Variants in TPD52 observed in about 807,000 individuals in gnomAD.
The protein encoded by TPD52 is tumor protein D52.
In TPD52, 17 loss-of-function variants were observed where a neutral mutation model predicts 31.3. The observed-to-expected ratio is 0.54, with a 90% CI of 0.37 to 0.82. The LOEUF (loss-of-function observed/expected upper bound fraction) is 0.82. Among genes scored for constraint, TPD52 ranks in the 40% least tolerant of loss-of-function variants. The pLI is 0.00. For synonymous variants in TPD52, 83 were observed against 89.6 expected (o/e 0.93, Z 0.42); for missense variants, 212 against 240.1 (o/e 0.88, Z 0.77).
At chr8:80,053,722 G>T (rs1811593535) in intron 2 of TPD52, among the ~76,000 whole-genome samples, 1 of 151,918 alleles carries the variant, frequency 6.6e-6, no homozygotes, top group Non-Finnish European at 1.5e-5. Context: ...GTAGGTTTAG[G>T]ACTCAAATTT....
chr8:80,125,195 T>C (rs773837592), intron 1 of TPD52, among the ~76,000 whole-genome samples: 1 of 152,212 alleles, frequency 6.6e-6, no homozygotes, highest in Non-Finnish European at 1.5e-5. Flanking sequence ...GCCTCAGCCC[T>C]GCACAGTGGC....
rs538381285 is a variant in TPD52, at chr8:80,167,603, G to A, written c.19+3822C>T. Among the ~76,000 whole-genome samples the A allele has an allele frequency of 2.6e-5, 4 of 152,196 alleles. No homozygotes were observed. The South Asian group carries it at 8.3e-4, about 32-fold the overall frequency. The stretch of plus-strand genomic sequence containing the variant: ...TGGGGTGGGTCACACCCAGAGACTT[G>A]GGAGTAGACCCTCAAAATTATTATC... On this transcript the variant is annotated intron_variant, in intron 1 of 7. Coordinates refer to ENST00000518937, the MANE Select transcript of TPD52 (RefSeq NM_001025253.3).
chr8:80,133,109 G>T (rs575426377), intron 1 of TPD52, among the ~76,000 whole-genome samples: 152 of 152,114 alleles, frequency 1.0e-3, no homozygotes, highest in Non-Finnish European at 1.4e-3. Flanking sequence ...AGCTTACCTG[G>T]TCACTCCGGT....
intron 7 of TPD52, among the ~76,000 whole-genome samples, chr8:80,040,380 G>C (rs562305341): frequency 1.3e-5 from 2 of 151,890 alleles, no homozygotes; most frequent in South Asian, 4.2e-4. Flanking sequence ...GGTAGAGACA[G>C]GGTTTTGCCA....
intron 1 of TPD52, among the ~76,000 whole-genome samples, chr8:80,139,765 T>C (rs1809695036): frequency 6.6e-6 from 1 of 152,160 alleles, no homozygotes; most frequent in South Asian, 2.1e-4. Context: ...TTAAGTGTAT[T>C]ATCAAAATCA....
intron 1 of TPD52, 117 bp downstream of exon 1, chr8:80,171,308 A>T: frequency 7.5e-7 from 1 of 1,338,912 alleles, no homozygotes; most frequent in Non-Finnish European, 1.0e-6. Flanking sequence ...GCGCCGGCCC[A>T]GGAGGCTCGG....
rs975440373 is a variant in TPD52, at chr8:80,168,031, A to C, written c.19+3394T>G. ...TCTATCAAAGTAGGAAATACCACAC[A>C]CAGTAAATGTGCTGCGCTGAGCTTA... On this transcript the variant is annotated intron_variant, in intron 1 of 7. Coordinates refer to ENST00000518937, the MANE Select transcript of TPD52 (RefSeq NM_001025253.3). Among the ~76,000 whole-genome samples, 4 of 152,340 alleles carry C rather than the reference A, an allele frequency of 2.6e-5. No homozygotes were observed. In the East Asian group the frequency reaches 7.7e-4, roughly 29 times the overall value.
At position 80,083,999 on chromosome 8, in the gene TPD52, G is replaced by A. The variant is rs531611951; in HGVS notation, c.20-19406C>T. Among the ~76,000 whole-genome samples the A allele has an allele frequency of 1.9e-4, 29 of 152,298 alleles. No homozygotes were observed. The South Asian group carries it at 4.1e-3, about 22-fold the overall frequency. ...CTCTCACTCCATATGGAGAAAGCACGAAGAGCTATCTACCAACCGGTACCA... is the reference window on the plus strand; with the variant it reads ...CTCTCACTCCATATGGAGAAAGCACAAAGAGCTATCTACCAACCGGTACCA... On this transcript the variant is annotated intron_variant, in intron 1 of 7. Transcript: ENST00000518937.
At chr8:80,033,819 T>G (rs568043429), downstream of TPD52, among the ~76,000 whole-genome samples, 3 of 152,086 alleles carry the variant, frequency 2.0e-5, no homozygotes, top group Non-Finnish European at 4.4e-5. Flanking sequence ...GGTTTTTATG[T>G]GCTCAGAATG....
At chr8:80,155,830 C>A (rs1263753122) in intron 1 of TPD52, among the ~76,000 whole-genome samples, 1 of 150,994 alleles carries the variant, frequency 6.6e-6, no homozygotes, top group Admixed American at 6.6e-5. Context: ...TTGCAGTGAG[C>A]CAAGATTGTG....
chr8:80,038,430 C>T (rs1810066954), intron 7 of TPD52, among the ~76,000 whole-genome samples, 195 bp from the exon 8 acceptor site: 1 of 152,158 alleles, frequency 6.6e-6, no homozygotes, highest in African/African-American at 2.4e-5. Context: ...TGCATTCTCC[C>T]TTGCTGAAAT....
At chr8:80,056,062 C>A (rs1811841707) in intron 2 of TPD52, among the ~76,000 whole-genome samples, 1 of 152,130 alleles carries the variant, frequency 6.6e-6, no homozygotes, top group Non-Finnish European at 1.5e-5. Context: ...GAAAGGAAAT[C>A]AGTGTATCAA....
At chr8:80,050,356 C>T (rs1811238046) in intron 5 of TPD52, 89 bp downstream of exon 5, 3 of 1,314,682 alleles carry the variant, frequency 2.3e-6, no homozygotes, top group South Asian at 2.8e-5. Flanking sequence ...TGGACAAACA[C>T]GATCATCCAA....
chr8:80,148,317 A>AGTATGTGTGTGTGTGTGT (rs1554594167), intron 1 of TPD52, among the ~76,000 whole-genome samples: 1 of 143,888 alleles, frequency 6.9e-6, no homozygotes, highest in Non-Finnish European at 1.5e-5. Flanking sequence ...TTCCTGGCTA[A>AGTATGTGTGTGTGTGTGT]GTGTGTGTGT....
chr8:80,089,644 G>A (rs1563617884), intron 1 of TPD52, among the ~76,000 whole-genome samples: 1 of 152,224 alleles, frequency 6.6e-6, no homozygotes, highest in Non-Finnish European at 1.5e-5. Context: ...AGCCTAAAAA[G>A]GGCAAGCAAT....
At chr8:80,117,949 G>T (rs1239471448) in intron 1 of TPD52, among the ~76,000 whole-genome samples, 1 of 151,790 alleles carries the variant, frequency 6.6e-6, no homozygotes, top group Non-Finnish European at 1.5e-5. Context: ...AGCCAGGATG[G>T]TCTCGATCTC....
At chr8:80,072,335 G>GTA (rs1813916515) in intron 1 of TPD52, among the ~76,000 whole-genome samples, 1 of 150,942 alleles carries the variant, frequency 6.6e-6, no homozygotes, top group African/African-American at 2.5e-5. Context: ...GTGTGTGTGT[G>GTA]TGTGTGTGTG....
chr8:80,053,225 A>C, intron 3 of TPD52, 57 bp downstream of exon 3: 2 of 1,548,834 alleles, frequency 1.3e-6, no homozygotes, highest in Non-Finnish European at 1.7e-6. Context: ...CTCCAGACAA[A>C]AGGCACAACA....
chr8:80,119,408 A>G (rs1808091009), intron 1 of TPD52, among the ~76,000 whole-genome samples: 1 of 152,242 alleles, frequency 6.6e-6, no homozygotes, highest in South Asian at 2.1e-4. Flanking sequence ...CTGTATGGTT[A>G]TCAGAATTAT....
Sources: gnomAD v4.1 joint callset for allele counts (sites outside exome capture counted in the v4.1 genomes callset) on GRCh38, gnomAD v4.1.1 for gene constraint, MANE v1.5 for transcripts, NCBI Gene and HGNC (gene_info 2026-07-23, HGNC 2026-07-21) for gene names.